The following GPHN variants were observed in gnomAD, a reference collection of about 807,000 sequenced individuals.
The protein encoded by GPHN is gephyrin.
GPHN carries 17 observed loss-of-function variants against 95.5 expected under a neutral mutation model. The ratio of observed to expected loss-of-function variants is 0.18; its 90% CI spans 0.12 to 0.27. The LOEUF (loss-of-function observed/expected upper bound fraction) is 0.27. Ranked by LOEUF, GPHN falls within the 10% of genes least tolerant of loss-of-function variation. GPHN has a pLI of 1.00. For missense variants in GPHN, 660 were observed against 978.1 expected, an observed-to-expected ratio of 0.67 and a Z score of 4.34; for synonymous variants, 320 against 322.5, an observed-to-expected ratio of 0.99 and a Z score of 0.08.
At chr14:67,353,032 GT>G in the GPHN span, 1 of 1,607,528 alleles carries the variant, frequency 6.2e-7, no homozygotes, top group South Asian at 1.1e-5. Context: ...CTTCATGATG[GT>G]CTGTGCCCTA....
chr14:67,230,584 G>A, the GPHN span, among the ~76,000 whole-genome samples: 2 of 151,896 alleles, frequency 1.3e-5, no homozygotes, highest in Non-Finnish European at 2.9e-5. Context: ...GAAAAAAAAA[G>A]ATATATGATC....
rs79372273 is a variant in GPHN, at chr14:66,967,096, C to A, written c.963+1771C>A. Among the ~76,000 whole-genome samples the A allele has an allele frequency of 1.6e-4, 24 of 151,832 alleles. No individual in the cohort carries two copies. In the East Asian group the frequency reaches 4.2e-3, roughly 27 times the overall value. On this transcript the variant is annotated intron_variant, in intron 9 of 22. Transcript: ENST00000478722. ...CAGTGAATTCATAAAAGCATTATAT[C>A]TTTTTCTAGGAATAAGATTATATTT... is the stretch of plus-strand genomic sequence containing the variant.
chr14:67,155,880 T>A (rs2153714145), intron 18 of GPHN, among the ~76,000 whole-genome samples: 1 of 152,222 alleles, frequency 6.6e-6, no homozygotes, highest in East Asian at 1.9e-4. Context: ...AAGGACACAT[T>A]GCCTTCAAAG....
At chr14:67,125,551 C>T (rs2079250696) in intron 17 of GPHN, among the ~76,000 whole-genome samples, 2 of 152,096 alleles carry the variant, frequency 1.3e-5, no homozygotes, top group Non-Finnish European at 2.9e-5. Flanking sequence ...CCAAGGCGGG[C>T]GGATCACCTG....
the GPHN span, among the ~76,000 whole-genome samples, chr14:67,243,454 C>G: frequency 6.7e-6 from 1 of 148,262 alleles, no homozygotes; most frequent in Non-Finnish European, 1.5e-5. Context: ...TCCTGAAATG[C>G]TGGGATTACA....
the GPHN span, among the ~76,000 whole-genome samples, chr14:67,499,202 C>T: frequency 6.6e-6 from 1 of 151,954 alleles, no homozygotes; most frequent in Non-Finnish European, 1.5e-5. Flanking sequence ...TGGGGTCCTG[C>T]TATGTTGCTC....
At chr14:67,562,190 G>A in the GPHN span, 1 of 1,611,718 alleles carries the variant, frequency 6.2e-7, no homozygotes, top group Non-Finnish European at 8.5e-7. Flanking sequence ...CGGAGCTGCA[G>A]AGCAGGATTC....
At chr14:66,970,212 G>T (rs1054361400) in intron 9 of GPHN, among the ~76,000 whole-genome samples, 1 of 151,240 alleles carries the variant, frequency 6.6e-6, no homozygotes, top group Non-Finnish European at 1.5e-5. Flanking sequence ...TTTATATGAG[G>T]GATATATACC....
the GPHN span, chr14:67,380,794 G>T: frequency 1.2e-5 from 16 of 1,313,784 alleles, no homozygotes; most frequent in South Asian, 1.6e-5. Flanking sequence ...GATTTTTACA[G>T]TATTTTGCAT....
chr14:66,642,652 T>G (rs2064489858), intron 1 of GPHN, among the ~76,000 whole-genome samples: 1 of 151,906 alleles, frequency 6.6e-6, no homozygotes, highest in East Asian at 1.9e-4. Context: ...TTGTGTTGTT[T>G]TGAGCTGCAA....
At position 67,110,156 on chromosome 14, in the gene GPHN, T is replaced by C; in HGVS notation, c.1310T>C (p.Met437Thr). Residue 437 changes from methionine (M) to threonine (T), a missense_variant, in exon 14 of 23, where the codon ATG (methionine) becomes ACG (threonine). This residue lies in a region of GPHN where 257 missense variants were observed against 376.2 expected (regional missense o/e 0.68). Coordinates refer to ENST00000478722, the MANE Select transcript of GPHN (RefSeq NM_020806.5). The stretch of plus-strand genomic sequence containing the variant: ...TATTTCCAGCCAACTCAGACAGTAA[T>C]GCCAGGACAAGTCATGCGGGTTACA... ...QAGEQPTQTV[M>T]PGQVMRVTTG... 2 of 1,613,386 alleles carry C rather than the reference T, an allele frequency of 1.2e-6. No homozygotes were observed. The highest frequency in any genetic ancestry group is 1.7e-6 in the Non-Finnish European group (2 of 1,179,316).
chr14:67,147,776 A>G (rs181378183), intron 18 of GPHN, among the ~76,000 whole-genome samples: 1 of 152,338 alleles, frequency 6.6e-6, no homozygotes, highest in Non-Finnish European at 1.5e-5. Flanking sequence ...CTTCCCGTAA[A>G]GCAAACAATT....
chr14:67,477,836 C>T, the GPHN span, among the ~76,000 whole-genome samples: 24 of 152,142 alleles, frequency 1.6e-4, no homozygotes, highest in Admixed American at 1.2e-3. Context: ...AAGACCCCCA[C>T]CCCAATTAAT....
chr14:67,473,225 C>T, the GPHN span: 3 of 703,710 alleles, frequency 4.3e-6, no homozygotes, highest in Non-Finnish European at 6.9e-6. This position sits in a 1 kb window ranked among gnomAD's most constrained non-coding sequence, Gnocchi z 6.5. Flanking sequence ...GCTGCCTCCA[C>T]ACCCCATCCC....
the GPHN span, chr14:67,227,552 C>T: frequency 6.6e-6 from 1 of 151,202 alleles, no homozygotes; most frequent in Admixed American, 6.6e-5. Context: ...AAGTTAGTTA[C>T]TAATACAGAC....
At chr14:66,814,269 A>G (rs112268330) in intron 3 of GPHN, among the ~76,000 whole-genome samples, 1,688 of 152,266 alleles carry the variant, frequency 0.011, 26 homozygotes, top group African/African-American at 0.038. Context: ...ACCCAGATCT[A>G]TGATGGTCAG....
the GPHN span, chr14:67,600,260 G>C: frequency 1.1e-5 from 15 of 1,414,842 alleles, no homozygotes; most frequent in Non-Finnish European, 1.3e-5. Context: ...CGCCGGCCCT[G>C]GCCGTCTCGC....
At chr14:67,163,725 T>C (rs1174199531) in intron 19 of GPHN, among the ~76,000 whole-genome samples, 1 of 152,010 alleles carries the variant, frequency 6.6e-6, no homozygotes, top group African/African-American at 2.4e-5. Flanking sequence ...AATAAAACAA[T>C]GTGAGTGCTT....
At chr14:67,339,653 C>T in the GPHN span, among the ~76,000 whole-genome samples, 22 of 152,136 alleles carry the variant, frequency 1.4e-4, no homozygotes, top group Non-Finnish European at 2.5e-4. Context: ...TCTCTAATGG[C>T]GTGATTTATA....
Sources: gnomAD v4.1 joint callset for allele counts (sites outside exome capture counted in the v4.1 genomes callset) on GRCh38, gnomAD v4.1.1 for gene constraint, gnomAD v4.1.1 regional missense constraint, Gnocchi (gnomAD v3.1) non-coding constraint, MANE v1.5 for transcripts, NCBI Gene and HGNC (gene_info 2026-07-23, HGNC 2026-07-21) for gene names.